Variants in MYO19 observed in about 807,000 individuals in gnomAD.
MYO19 encodes myosin XIX, also known as unconventional myosin-XIX.
A neutral mutation model predicts 129.2 loss-of-function variants in MYO19; 132 were observed. The observed-to-expected ratio is 1.02, with a 90% CI of 0.89 to 1.18. MYO19 has a LOEUF of 1.18. Among genes scored for constraint, MYO19 ranks in the 50% most tolerant of loss-of-function variants. MYO19 has a pLI of 0.00. For missense variants in MYO19, 1,210 were observed against 1,216.7 expected (o/e 0.99, Z 0.08); for synonymous variants, 531 against 477.2 (o/e 1.11, Z -1.47).
chr17:36,506,057 C>T (rs771766052), intron 18 of MYO19, among the ~76,000 whole-genome samples: 2 of 151,944 alleles, frequency 1.3e-5, no homozygotes, highest in Non-Finnish European at 2.9e-5. Context: ...GAAGGTGGGG[C>T]GGTACATGCA....
At chr17:36,508,557 C>T (rs1336779445) in intron 14 of MYO19, 4 of 160,698 alleles carry the variant, frequency 2.5e-5, no homozygotes, top group Admixed American at 6.0e-5. Flanking sequence ...CCTCCCACCT[C>T]GGTCTCCTGA....
At chr17:36,529,113 A>C (rs1365395696) in intron 3 of MYO19, among the ~76,000 whole-genome samples, 2 of 151,538 alleles carry the variant, frequency 1.3e-5, no homozygotes, top group Admixed American at 1.3e-4. Context: ...GGTCAAGAAT[A>C]AGCACCAAGG....
rs1479796177 is a variant in MYO19, at chr17:36,514,533, A to G, written c.633T>C (p.Thr211=). ...QLQLNRAQQM[T]GAAVQTYLLE... is the part of the protein sequence containing the mutation. ...GGAGGTAGGTCTGGACTGCGGCTCCAGTCATTTGCTGAGCCCTGGGACACA... is the reference window on the plus strand; with the variant it reads ...GGAGGTAGGTCTGGACTGCGGCTCCGGTCATTTGCTGAGCCCTGGGACACA... The change falls in exon 9 of 26, where the codon ACT becomes ACC. Residue 211 remains threonine, a synonymous_variant. Coordinates refer to ENST00000614623, the MANE Select transcript of MYO19 (RefSeq NM_001163735.2). 3 of 1,611,970 alleles carry G rather than the reference A, an allele frequency of 1.9e-6. No individual in the cohort carries two copies. Among genetic ancestry groups the G allele is most frequent in the South Asian group, 2.2e-5 (2 of 91,044 alleles).
intron 21 of MYO19, chr17:36,502,890 G>C: frequency 1.7e-6 from 1 of 598,846 alleles, no homozygotes; most frequent in South Asian, 2.0e-5. Flanking sequence ...CACCTCCCTA[G>C]CACCACCCAC....
Position 36,532,619 on chromosome 17 carries a change from C to T in MYO19, c.-81G>A. The T allele has an allele frequency of 6.6e-7, 1 of 1,515,472 alleles. No individual in the cohort carries two copies. Among genetic ancestry groups the T allele is most frequent in the South Asian group, 1.2e-5 (1 of 83,300 alleles). 93.9% of individuals were successfully genotyped at this position (1,515,472 alleles called of 1,614,324 possible). A position where few individuals can be genotyped will look rare whatever the true frequency, so the allele number is the denominator to read the frequency against. ...ATCCACCTAGTCATGGGACCATGGG[C>T]TGGGGTATGGTTCCAACAAAGGGCT... On this transcript the variant is annotated 5_prime_UTR_variant, in exon 3 of 26. Transcript: ENST00000614623.
chr17:36,511,403 T>G lies in MYO19; in HGVS notation c.947A>C (p.Asp316Ala), dbSNP rs375581579. The change falls in exon 12 of 26, where the codon GAT becomes GCT. Residue 316 changes from aspartate to alanine, a missense_variant. Asp to Ala is a moderately radical substitution (Grantham distance 126). Transcript: ENST00000614623. ...CATCGGCTGGCAGGGCTGGGCTTCA[T>G]CCTCGGAGGCAGCAAACTGGATATT... ...LGNIQFAASEDEAQPCQPMDD... is the reference protein window; with the variant it reads ...LGNIQFAASEAEAQPCQPMDD... 21 of 1,575,834 alleles carry G rather than the reference T, an allele frequency of 1.3e-5. No homozygotes were observed. Among genetic ancestry groups the G allele is most frequent in the Non-Finnish European group, 1.8e-5 (21 of 1,161,318 alleles).
At chr17:36,507,606 C>T in intron 15 of MYO19, 94 bp from the exon 16 acceptor site, 2 of 1,393,210 alleles carry the variant, frequency 1.4e-6, no homozygotes, top group Non-Finnish European at 2.0e-6. Flanking sequence ...ACAGCGTATT[C>T]CAGAACAGCA....
intron 19 of MYO19, 120 bp downstream of exon 19, chr17:36,505,177 C>T: frequency 1.1e-6 from 1 of 906,476 alleles, no homozygotes; most frequent in South Asian, 1.3e-5. Flanking sequence ...TCATGTCAGG[C>T]CTGGCCGGAG....
At chr17:36,524,238 CTTTG>C (rs2073321656) in intron 6 of MYO19, among the ~76,000 whole-genome samples, 1 of 152,150 alleles carries the variant, frequency 6.6e-6, no homozygotes, top group South Asian at 2.1e-4. Context: ...AACTTACTGT[CTTTG>C]TTTTCTTATC....
chr17:36,530,104 G>A (rs1278903391), intron 3 of MYO19, among the ~76,000 whole-genome samples: 1 of 152,174 alleles, frequency 6.6e-6, no homozygotes, highest in African/African-American at 2.4e-5. Context: ...GCTTAAGCCT[G>A]TAATCCCAGC....
chr17:36,513,000 G>T, intron 11 of MYO19: 1 of 858,940 alleles, frequency 1.2e-6, no homozygotes, highest in Non-Finnish European at 1.5e-6. Context: ...CCTTGGGCAC[G>T]TCACTTTACC....
chr17:36,499,452 A>T (rs1385944301), intron 23 of MYO19: 1 of 264,888 alleles, frequency 3.8e-6, no homozygotes, highest in Non-Finnish European at 7.7e-6. Context: ...GGCTGGGTCC[A>T]GGTCAGCACC....
intron 18 of MYO19, 126 bp downstream of exon 18, chr17:36,506,330 G>C (rs2141959411): frequency 8.7e-7 from 1 of 1,151,290 alleles, no homozygotes; most frequent in African/African-American, 1.5e-5. Flanking sequence ...CAGGGGACTG[G>C]GACCACATCT....
At chr17:36,503,575 T>C (rs574578204) in intron 20 of MYO19, among the ~76,000 whole-genome samples, 1 of 152,342 alleles carries the variant, frequency 6.6e-6, no homozygotes, top group South Asian at 2.1e-4. Flanking sequence ...CTGACCTCTC[T>C]GACCCCACAG....
chr17:36,499,660 G>GTTTTTTTTTTTTTTTT (rs2071341311), intron 23 of MYO19: 1 of 54,476 alleles, frequency 1.8e-5, no homozygotes, highest in African/African-American at 7.8e-5. Flanking sequence ...TTTTCTTTTT[G>GTTTTTTTTTTTTTTTT]TTTCTTTTTT....
At chr17:36,514,968 C>A (rs1268147419) in intron 8 of MYO19, 145 bp downstream of exon 8, 2 of 667,074 alleles carry the variant, frequency 3.0e-6, no homozygotes, top group East Asian at 5.7e-5. Context: ...AGATCACCCT[C>A]AGAGCTCACA....
rs758725620 is a variant in MYO19 at position 36,510,792 on chromosome 17, C to T, written c.1111G>A (p.Glu371Lys). Residue 371 changes from glutamate (E) to lysine (K), a missense_variant, in exon 13 of 26, where the codon GAG becomes AAG. Glu to Lys is a moderately conservative substitution (Grantham distance 56). Transcript: ENST00000614623. ...AGGCAGTCTCTACGGGTGTCACACT[C>T]GGCTCGGGCGCAGGGCTTCCGGAAC... is the stretch of plus-strand genomic sequence containing the variant. ...QVFRKPCARA[E>K]CDTRRDCLAK... 1.7e-5 allele frequency: 27 copies of T among 1,604,750 alleles called. No homozygotes were observed. Among genetic ancestry groups the T allele is most frequent in the Admixed American group, 5.1e-5 (3 of 58,946 alleles).
chr17:36,499,581 C>T, intron 23 of MYO19: 1 of 153,292 alleles, frequency 6.5e-6, no homozygotes, highest in Non-Finnish European at 1.5e-5. Context: ...TCACCATATA[C>T]CCAAACACTG....
At chr17:36,531,986 C>T (rs1301339898) in intron 3 of MYO19, among the ~76,000 whole-genome samples, 1 of 152,202 alleles carries the variant, frequency 6.6e-6, no homozygotes, top group Admixed American at 6.5e-5. Flanking sequence ...GATTTGGAAT[C>T]CTACAGGCCT....
Sources: allele counts gnomAD v4.1 joint callset (sites outside exome capture counted in the v4.1 genomes callset), GRCh38; gene constraint gnomAD v4.1.1; transcripts MANE v1.5; gene names NCBI Gene and HGNC (gene_info 2026-07-23, HGNC 2026-07-21).